The following SOX5 variants were observed in gnomAD, a reference collection of about 807,000 sequenced individuals.
SOX5 encodes transcription factor SOX-5.
A neutral mutation model predicts 92.0 loss-of-function variants in SOX5; 9 were observed. That is an observed-to-expected ratio of 0.10 (90% CI 0.06 to 0.17). The LOEUF is 0.17. SOX5 is among the 10% of genes least tolerant of loss of function. SOX5 has a pLI of 1.00. For missense variants in SOX5, 642 were observed against 944.5 expected, an observed-to-expected ratio of 0.68 and a Z score of 4.20; for synonymous variants, 344 against 336.3, an observed-to-expected ratio of 1.02 and a Z score of -0.25.
intron 6 of SOX5, among the ~76,000 whole-genome samples, chr12:23,714,778 T>C (rs2092356265): frequency 6.6e-6 from 1 of 152,136 alleles, no homozygotes; most frequent in Admixed American, 6.5e-5. Context: ...TGAAAACAAA[T>C]ACTTGCTTTT....
chr12:23,749,159 A>G (rs2094104529), intron 4 of SOX5, among the ~76,000 whole-genome samples: 1 of 152,058 alleles, frequency 6.6e-6, no homozygotes, highest in Non-Finnish European at 1.5e-5. Flanking sequence ...GTTATCCTAC[A>G]TGCAAACATC....
chr12:23,796,717 A>T (rs1484001159), intron 3 of SOX5, among the ~76,000 whole-genome samples: 1 of 151,852 alleles, frequency 6.6e-6, no homozygotes, highest in African/African-American at 2.4e-5. Flanking sequence ...CATGAAAAAA[A>T]CTAACTGAAA....
intron 10 of SOX5, among the ~76,000 whole-genome samples, chr12:23,566,315 C>T (rs1269702825): frequency 1.3e-5 from 2 of 152,202 alleles, no homozygotes; most frequent in East Asian, 1.9e-4. Flanking sequence ...TACATTATCT[C>T]ATAATCTCCC....
chr12:24,015,084 TTC>T (rs1953437055), intron 4 of SOX5, among the ~76,000 whole-genome samples: 2 of 151,846 alleles, frequency 1.3e-5, no homozygotes, highest in Non-Finnish European at 2.9e-5. Flanking sequence ...CTCTCTCTCT[TTC>T]TCTTTCTGTC....
chr12:24,337,401 C>T (rs537844560), intron 2 of SOX5, among the ~76,000 whole-genome samples: 1 of 150,422 alleles, frequency 6.6e-6, no homozygotes, highest in East Asian at 2.0e-4. Context: ...AGTGCAGTGG[C>T]GTGATCTTGG....
intron 4 of SOX5, among the ~76,000 whole-genome samples, chr12:24,012,704 G>C (rs781738460): frequency 1.8e-4 from 27 of 152,006 alleles, no homozygotes; most frequent in Non-Finnish European, 1.5e-4. Flanking sequence ...TGAGAAATCA[G>C]CAGGTGGCAC....
At chr12:23,582,242 C>G in intron 9 of SOX5, 1 of 984,998 alleles carries the variant, frequency 1.0e-6, no homozygotes. Flanking sequence ...TTTCACCTCT[C>G]CTACCCAAAT....
intron 3 of SOX5, among the ~76,000 whole-genome samples, chr12:23,783,464 G>A (rs7977132): frequency 0.15 from 22,618 of 152,046 alleles, 1,699 homozygotes; most frequent in South Asian, 0.19. Context: ...TAGTTTTAGC[G>A]TATTACAATT....
At chr12:24,006,498 A>C (rs1047278559) in intron 4 of SOX5, among the ~76,000 whole-genome samples, 4 of 151,866 alleles carry the variant, frequency 2.6e-5, no homozygotes, top group African/African-American at 7.3e-5. Context: ...TAAGTCACTC[A>C]GTCCCTTTCT....
At chr12:23,540,153 C>G (rs1394288191) in intron 13 of SOX5, among the ~76,000 whole-genome samples, 3 of 150,940 alleles carry the variant, frequency 2.0e-5, no homozygotes, top group African/African-American at 7.3e-5. Context: ...TGGCTGCTTA[C>G]TCTGGACTGA....
At chr12:24,028,534 G>T (rs559619917) in intron 4 of SOX5, among the ~76,000 whole-genome samples, 3 of 151,920 alleles carry the variant, frequency 2.0e-5, no homozygotes, top group Non-Finnish European at 4.4e-5. Context: ...ATGCTACTAG[G>T]CTGGTATGAT....
intron 3 of SOX5, among the ~76,000 whole-genome samples, chr12:23,770,217 A>G (rs1237664858): frequency 1.3e-5 from 2 of 149,658 alleles, no homozygotes; most frequent in Non-Finnish European, 3.0e-5. Flanking sequence ...CTGCCAGACC[A>G]CCACTTTCTA....
At chr12:24,034,221 G>C (rs1955790044) in intron 4 of SOX5, among the ~76,000 whole-genome samples, 3 of 151,964 alleles carry the variant, frequency 2.0e-5, no homozygotes, top group Admixed American at 1.3e-4. Context: ...GAATGAGAAG[G>C]CATTTCATTT....
intron 4 of SOX5, among the ~76,000 whole-genome samples, chr12:24,187,971 T>C (rs1411185289): frequency 6.6e-6 from 1 of 152,214 alleles, no homozygotes; most frequent in Non-Finnish European, 1.5e-5. Flanking sequence ...AAAAGGGATA[T>C]GTAACTTCTG....
At chr12:23,621,010 CAT>C (rs1325595688) in intron 8 of SOX5, among the ~76,000 whole-genome samples, 1 of 152,032 alleles carries the variant, frequency 6.6e-6, no homozygotes. Context: ...TTATTTGTCA[CAT>C]AGTTGTTTAA....
chr12:23,982,560 G>A (rs980340970), intron 4 of SOX5, among the ~76,000 whole-genome samples: 2 of 152,046 alleles, frequency 1.3e-5, no homozygotes, highest in Admixed American at 6.6e-5. Flanking sequence ...TGCAGTAATC[G>A]TGCTTTGGTG....
intron 4 of SOX5, among the ~76,000 whole-genome samples, chr12:23,973,519 G>A (rs756820854): frequency 9.2e-5 from 14 of 152,102 alleles, no homozygotes; most frequent in Admixed American, 2.0e-4. Flanking sequence ...ATACAAAACA[G>A]AATACTATAC....
intron 6 of SOX5, among the ~76,000 whole-genome samples, chr12:23,679,972 A>AT (rs1448492791): frequency 6.6e-6 from 1 of 151,766 alleles, no homozygotes; most frequent in Non-Finnish European, 1.5e-5. Context: ...AGTAAAAAAA[A>AT]ACTTGAAAGA....
At chr12:24,355,282 CTTTTTTTTTTTTTTTTTTTTTTTTTT>C (rs768157437) in intron 2 of SOX5, among the ~76,000 whole-genome samples, 15 of 71,932 alleles carry the variant, frequency 2.1e-4, no homozygotes, top group East Asian at 5.4e-4. Context: ...AGGGGTGCAT[CTTTTTTTTTTTTTTTTTTTTTTTTTT>C]TTTTTTTTTT....
Sources: allele counts gnomAD v4.1 joint callset (sites outside exome capture counted in the v4.1 genomes callset), GRCh38; gene constraint gnomAD v4.1.1; transcripts MANE v1.5; gene names NCBI Gene and HGNC (gene_info 2026-07-23, HGNC 2026-07-21).